PCDHA13: variants seen among roughly 807,000 people sequenced by gnomAD.
PCDHA13 encodes protocadherin alpha-13.
Under a neutral mutation model 64.8 loss-of-function variants are expected in PCDHA13, and 54 were observed. The ratio of observed to expected loss-of-function variants is 0.83; its 90% CI spans 0.67 to 1.04. PCDHA13 has a LOEUF of 1.04. Among genes scored for constraint, PCDHA13 ranks in the 50% least tolerant of loss-of-function variants. PCDHA13 has a pLI of 0.00. For missense variants in PCDHA13, 1,248 were observed against 1,254.3 expected, an observed-to-expected ratio of 0.99 and a Z score of 0.08; for synonymous variants, 587 against 564.4, an observed-to-expected ratio of 1.04 and a Z score of -0.57.
chr5:140,934,915 A>G (rs1324840546), intron 1 of PCDHA13, among the ~76,000 whole-genome samples: 3 of 152,132 alleles, frequency 2.0e-5, no homozygotes, highest in Non-Finnish European at 4.4e-5. Context: ...ATAATTATGG[A>G]TTCACATAAA....
chr5:140,903,121 C>A (rs2070010801), intron 1 of PCDHA13, among the ~76,000 whole-genome samples: 2 of 152,188 alleles, frequency 1.3e-5, no homozygotes, highest in Non-Finnish European at 2.9e-5. Flanking sequence ...ACTTCTAAAT[C>A]TTTAAGAAAT....
At chr5:140,988,169 A>G (rs1384072642) in intron 3 of PCDHA13, among the ~76,000 whole-genome samples, 3 of 152,128 alleles carry the variant, frequency 2.0e-5, no homozygotes. Flanking sequence ...TGTCATAGCA[A>G]TGACAGTCCT....
At chr5:140,998,125 A>G (rs2097797565) in intron 3 of PCDHA13, among the ~76,000 whole-genome samples, 1 of 152,222 alleles carries the variant, frequency 6.6e-6, no homozygotes. Flanking sequence ...CTTGTGAATC[A>G]TAATAGCTAA....
At chr5:140,982,025 C>A (rs1191670248) in intron 2 of PCDHA13, among the ~76,000 whole-genome samples, 1 of 152,180 alleles carries the variant, frequency 6.6e-6, no homozygotes, top group Non-Finnish European at 1.5e-5. Flanking sequence ...CAAATTGGAA[C>A]AATACTCCAA....
chr5:140,996,531 G>A (rs782175834), intron 3 of PCDHA13, among the ~76,000 whole-genome samples: 1 of 152,146 alleles, frequency 6.6e-6, no homozygotes, highest in African/African-American at 2.4e-5. Context: ...GGCCCTGTGT[G>A]TTTTGATATT....
At position 140,944,954 on chromosome 5, in the gene PCDHA13, G is replaced by T. The variant is rs59917150; in HGVS notation, c.2395-33995G>T. Among the ~76,000 whole-genome samples the T allele has an allele frequency of 8.9e-3, 1,356 of 152,182 alleles. 15 individuals are homozygous for T. Among genetic ancestry groups the T allele is most frequent in the African/African-American group, 0.032 (1,311 of 41,514 alleles). ...CTTCTTTAGATGATTGTGAATAAGA[G>T]TATTATCTTAACCTCTCTGGTGGGT... On this transcript the variant is annotated intron_variant, in intron 1 of 3. Coordinates refer to ENST00000289272, the MANE Select transcript of PCDHA13 (RefSeq NM_018904.3).
chr5:140,919,115 T>G (rs2079009343), intron 1 of PCDHA13, among the ~76,000 whole-genome samples: 1 of 152,228 alleles, frequency 6.6e-6, no homozygotes, highest in Non-Finnish European at 1.5e-5. Context: ...TTCTGCCAGT[T>G]TTTGCTTCAT....
intron 1 of PCDHA13, among the ~76,000 whole-genome samples, chr5:140,943,089 T>C (rs2093417033): frequency 6.6e-6 from 1 of 151,612 alleles, no homozygotes; most frequent in African/African-American, 2.4e-5. Flanking sequence ...AAATCCTGCC[T>C]CTACTAAAAA....
intron 1 of PCDHA13, among the ~76,000 whole-genome samples, chr5:140,894,543 T>C (rs782418710): frequency 2.6e-5 from 4 of 152,088 alleles, no homozygotes; most frequent in Non-Finnish European, 4.4e-5. Flanking sequence ...TCTGGTTTAG[T>C]GTTTACTTCT....
chr5:140,918,625 C>T (rs1365715302), intron 1 of PCDHA13, among the ~76,000 whole-genome samples: 2 of 152,086 alleles, frequency 1.3e-5, no homozygotes, highest in Non-Finnish European at 2.9e-5. Context: ...TTTGTGTTCC[C>T]CAAATTCATA....
At chr5:140,961,591 T>C (rs1280839822) in intron 1 of PCDHA13, among the ~76,000 whole-genome samples, 1 of 152,190 alleles carries the variant, frequency 6.6e-6, no homozygotes, top group African/African-American at 2.4e-5. Flanking sequence ...ATTTTGGCAA[T>C]GATTCTAGTA....
chr5:140,923,306 C>T (rs572766829), intron 1 of PCDHA13, among the ~76,000 whole-genome samples: 1 of 152,098 alleles, frequency 6.6e-6, no homozygotes, highest in East Asian at 1.9e-4. Flanking sequence ...GGCGTGGGGG[C>T]GCTTGGCCTA....
chr5:140,933,677 T>C (rs1024721491), intron 1 of PCDHA13, among the ~76,000 whole-genome samples: 1 of 151,826 alleles, frequency 6.6e-6, no homozygotes, highest in Non-Finnish European at 1.5e-5. Flanking sequence ...CTCTCTCACA[T>C]TTTTTTTCCT....
Position 141,000,581 on chromosome 5 carries a change from C to G in PCDHA13, c.2543-9046C>G, listed in dbSNP as rs960660351. On this transcript the variant is annotated intron_variant, in intron 3 of 3. Transcript: ENST00000289272. ...TAGCTGGGATTACAGGTGCCTGCCA[C>G]CATGCCCAGCTAATTTTTGTATTTT... is the stretch of plus-strand genomic sequence containing the variant. 2.0e-5 allele frequency among the ~76,000 whole-genome samples: 3 copies of G among 150,722 alleles called. No individual in the cohort carries two copies. In the East Asian group the frequency reaches 5.8e-4, roughly 29 times the overall value.
intron 1 of PCDHA13, among the ~76,000 whole-genome samples, chr5:140,925,206 G>A (rs576558414): frequency 1.3e-5 from 2 of 152,234 alleles, no homozygotes; most frequent in South Asian, 2.1e-4. Context: ...AATAATTATC[G>A]ATACTTTTAG....
Position 140,883,287 on chromosome 5 carries a change from T to A in PCDHA13, c.1019T>A (p.Val340Glu). The stretch of plus-strand genomic sequence containing the variant: ...GGTCATTGTACCCTTTTGGTGGAAG[T>A]ACTAGATGTAAATGATAACGCCCCA... The part of the protein sequence containing the change: ...MAGHCTLLVE[V>E]LDVNDNAPEV... Residue 340 changes from valine to glutamate, a missense_variant, in exon 1 of 4, where the codon GTA (valine) becomes GAA (glutamate). Val to Glu is a moderately radical substitution (Grantham distance 121). Coordinates refer to ENST00000289272, the MANE Select transcript of PCDHA13 (RefSeq NM_018904.3). 1 of 1,613,984 alleles carries A rather than the reference T, an allele frequency of 6.2e-7. No individual in the cohort carries two copies. Among genetic ancestry groups the A allele is most frequent in the Non-Finnish European group, 8.5e-7 (1 of 1,180,006 alleles).
In PCDHA13 at chr5:140,883,821, A is replaced by T; in HGVS notation, c.1553A>T (p.Tyr518Phe). ...GTGCACGCGGAGAGCGGCAAGGTGT[A>T]CGCGCTGCAGCCGTTGGACCACGAG... ...VSVHAESGKV[Y>F]ALQPLDHEEL... Residue 518 changes from tyrosine to phenylalanine, a missense_variant, in exon 1 of 4, where the codon TAC becomes TTC. By Grantham distance (22) the Tyr-to-Phe change is conservative. Transcript: ENST00000289272. 6.2e-7 allele frequency: 1 copy of T among 1,612,450 alleles called. No individual in the cohort carries two copies. The highest frequency in any genetic ancestry group is 8.5e-7 in the Non-Finnish European group (1 of 1,179,756).
intron 3 of PCDHA13, among the ~76,000 whole-genome samples, chr5:140,989,866 T>G (rs2097364293): frequency 6.6e-6 from 1 of 152,012 alleles, no homozygotes; most frequent in South Asian, 2.1e-4. Flanking sequence ...GGAATCTTTC[T>G]CTGCCTCAGC....
intron 1 of PCDHA13, among the ~76,000 whole-genome samples, chr5:140,905,043 A>T (rs782694794): frequency 1.5e-4 from 23 of 152,126 alleles, no homozygotes; most frequent in Non-Finnish European, 5.9e-5. Flanking sequence ...TAGTTTAATT[A>T]GGTCCCATTT....
Sources: gnomAD v4.1 joint callset for allele counts (sites outside exome capture counted in the v4.1 genomes callset) on GRCh38, gnomAD v4.1.1 for gene constraint, MANE v1.5 for transcripts, NCBI Gene and HGNC (gene_info 2026-07-23, HGNC 2026-07-21) for gene names.